Variants in SLC6A5 observed in about 807,000 individuals in gnomAD.
SLC6A5 encodes sodium- and chloride-dependent glycine transporter 2.
Under a neutral mutation model 90.5 loss-of-function variants are expected in SLC6A5, and 58 were observed. The observed-to-expected ratio is 0.64, with a 90% CI of 0.52 to 0.80. The LOEUF is 0.80. Ranked by LOEUF, SLC6A5 falls within the 30% of genes least tolerant of loss-of-function variation. The probability of loss-of-function intolerance (pLI) is 0.00; values close to 1 mark genes in which losing one functional copy is unlikely to be tolerated. For synonymous variants in SLC6A5, 427 were observed against 401.4 expected (o/e 1.06, Z -0.76); for missense variants, 1,015 against 1,017.6 (o/e 1.00, Z 0.03).
chr11:20,608,431 G>A (rs1852624571), intron 5 of SLC6A5, among the ~76,000 whole-genome samples: 1 of 152,160 alleles, frequency 6.6e-6, no homozygotes, highest in Non-Finnish European at 1.5e-5. Context: ...CTGACTGTAT[G>A]TATGTCTGGG....
chr11:20,652,603 A>C (rs1374927421), intron 15 of SLC6A5, 147 bp downstream of exon 15: 12 of 846,374 alleles, frequency 1.4e-5, no homozygotes, highest in Non-Finnish European at 2.2e-5. Context: ...GTTTCTGTTA[A>C]ACCCATTTTT....
chr11:20,601,035 T>G, intron 1 of SLC6A5, 94 bp from the exon 2 acceptor site: 1 of 1,294,850 alleles, frequency 7.7e-7, no homozygotes, highest in Non-Finnish European at 1.0e-6. Context: ...ATATTGTGTC[T>G]GGACCTGAGT....
At chr11:20,629,205 G>A (rs1565281883) in intron 9 of SLC6A5, 1 of 152,176 alleles carries the variant, frequency 6.6e-6, no homozygotes, top group African/African-American at 2.4e-5. Flanking sequence ...AGCAGGCTCT[G>A]CGATGAAGGT....
In SLC6A5 at chr11:20,654,702, C is replaced by T. The variant is rs367737271; in HGVS notation, c.2239-11C>T. Reference sequence around the variant, plus strand: ...CTTCTGTGACCATGTCTGTCTTTGGCTTCTTTGCAGAGGCTGAAGTTGGTG... The same window carrying T: ...CTTCTGTGACCATGTCTGTCTTTGGTTTCTTTGCAGAGGCTGAAGTTGGTG... On this transcript the variant is annotated splice_polypyrimidine_tract_variant and intron_variant, in intron 15 of 15. Transcript: ENST00000525748. 1 of 1,614,138 alleles carries T rather than the reference C, an allele frequency of 6.2e-7. No homozygotes were observed.
At chr11:20,609,824 G>A (rs552462006) in intron 5 of SLC6A5, among the ~76,000 whole-genome samples, 1 of 152,326 alleles carries the variant, frequency 6.6e-6, no homozygotes, top group East Asian at 1.9e-4. Context: ...AGCCCCAGAG[G>A]AAAGCCCTGG....
chr11:20,616,709 A>T (rs974125889), intron 6 of SLC6A5, among the ~76,000 whole-genome samples: 25 of 152,186 alleles, frequency 1.6e-4, no homozygotes, highest in Admixed American at 1.4e-3. Context: ...AGGTTGTGCC[A>T]GGGTTTGGGC....
At chr11:20,605,095 C>T (rs987787620) in intron 3 of SLC6A5, among the ~76,000 whole-genome samples, 2 of 152,250 alleles carry the variant, frequency 1.3e-5, no homozygotes, top group Non-Finnish European at 2.9e-5. Flanking sequence ...CCACTATGCT[C>T]CCTTGTACCT....
In SLC6A5 at chr11:20,601,433, C is replaced by T. The variant is rs773816036; in HGVS notation, c.308C>T (p.Ala103Val). 2 of 1,605,984 alleles carry T rather than the reference C, an allele frequency of 1.2e-6. No homozygotes were observed. Among genetic ancestry groups the T allele is most frequent in the Non-Finnish European group, 1.7e-6 (2 of 1,176,540 alleles). The change falls in exon 2 of 16, where the codon GCG becomes GTG. Residue 103 changes from alanine to valine, a missense_variant. Ala to Val is a moderately conservative substitution (Grantham distance 64, BLOSUM62 0). Around this residue, in one of 3 missense-constraint regions of SLC6A5, gnomAD observed 567 missense variants for 507.3 expected, o/e 1.12. Coordinates refer to ENST00000525748, the MANE Select transcript of SLC6A5 (RefSeq NM_004211.5). The stretch of plus-strand genomic sequence containing the variant: ...CGGGACTTGAGAGAGGCGCAAGGCG[C>T]GCAGGCCTCGCCCCCTCCCGGGAGC... ...ALRDLREAQG[A>V]QASPPPGSSG...
rs1265845116 is a variant in SLC6A5, at chr11:20,617,337, C to T, written c.1128-415C>T. Among the ~76,000 whole-genome samples, 9 of 152,196 alleles carry T rather than the reference C, an allele frequency of 5.9e-5. No individual in the cohort carries two copies. In the East Asian group the frequency reaches 1.5e-3, roughly 26 times the overall value. ...ATGTACTAATTTTTAAAATTAAAAT[C>T]ACACAAATACTACCAGAATAAATTC... On this transcript the variant is annotated intron_variant, in intron 6 of 15. Coordinates refer to ENST00000525748, the MANE Select transcript of SLC6A5 (RefSeq NM_004211.5).
intron 13 of SLC6A5, among the ~76,000 whole-genome samples, chr11:20,639,417 CA>C (rs1159186946): frequency 1.3e-5 from 2 of 152,070 alleles, no homozygotes; most frequent in Admixed American, 6.6e-5. Flanking sequence ...CTTCAGATCC[CA>C]AAAGAGACAG....
intron 6 of SLC6A5, 131 bp from the exon 7 acceptor site, chr11:20,617,621 G>C (rs1852806068): frequency 1.3e-6 from 1 of 779,934 alleles, no homozygotes; most frequent in African/African-American, 1.7e-5. Context: ...GTTCCTGATG[G>C]TGGGGTGGGT....
rs547344008 is a variant in SLC6A5 at position 20,650,728 on chromosome 11, G to T, written c.2071-1561G>T. ...GTCGCCCAGGCTGGAGTGCAGTGGC[G>T]CGATCTCGGCTCACTGCAAGCTCCG... On this transcript the variant is annotated intron_variant, in intron 14 of 15. Coordinates refer to ENST00000525748, the MANE Select transcript of SLC6A5 (RefSeq NM_004211.5). Among the ~76,000 whole-genome samples, 224 of 143,522 alleles carry T rather than the reference G, an allele frequency of 1.6e-3. 4 individuals carry two copies. Among genetic ancestry groups the T allele is most frequent in the African/African-American group, 5.8e-3 (219 of 37,678 alleles). The allele number at this position is 143,522 out of a possible 152,430, so 94.2% of individuals were successfully genotyped here.
chr11:20,610,821 T>C (rs894010826), intron 5 of SLC6A5, among the ~76,000 whole-genome samples: 3 of 152,180 alleles, frequency 2.0e-5, no homozygotes, highest in Non-Finnish European at 4.4e-5. Context: ...ACGTTTTTAG[T>C]TGTTGCAGCT....
At chr11:20,654,651 C>G in intron 15 of SLC6A5, 62 bp from the exon 16 acceptor site, 2 of 1,562,782 alleles carry the variant, frequency 1.3e-6, no homozygotes, top group Non-Finnish European at 1.8e-6. Flanking sequence ...ATGAGTGGGT[C>G]GTCCCCAGGT....
intron 13 of SLC6A5, among the ~76,000 whole-genome samples, chr11:20,642,086 AAT>A (rs1853324795): frequency 6.6e-6 from 1 of 152,058 alleles, no homozygotes; most frequent in Non-Finnish European, 1.5e-5. Context: ...CTGGAGACGT[AAT>A]TTGTGGGATA....
chr11:20,640,074 A>C (rs1211572589), intron 13 of SLC6A5, among the ~76,000 whole-genome samples: 2 of 152,200 alleles, frequency 1.3e-5, no homozygotes, highest in Non-Finnish European at 1.5e-5. Context: ...GTGCCCAGAA[A>C]CCAAAGACCT....
At chr11:20,643,185 C>A (rs1433947237) in intron 13 of SLC6A5, among the ~76,000 whole-genome samples, 1 of 151,826 alleles carries the variant, frequency 6.6e-6, no homozygotes. Flanking sequence ...AACATGGCAA[C>A]AGGATTGATG....
chr11:20,636,232 A>T (rs1853202724), intron 10 of SLC6A5, 75 bp from the exon 11 acceptor site: 1 of 859,672 alleles, frequency 1.2e-6, no homozygotes, highest in Non-Finnish European at 2.0e-6. Flanking sequence ...CTCAGCAGAG[A>T]GAAGGCCCTC....
intron 10 of SLC6A5, among the ~76,000 whole-genome samples, chr11:20,635,686 C>G (rs1418341099): frequency 6.6e-6 from 1 of 152,128 alleles, no homozygotes; most frequent in Non-Finnish European, 1.5e-5. Context: ...GAAATGATGT[C>G]ATTCTGGTCA....
Sources: allele counts gnomAD v4.1 joint callset (sites outside exome capture counted in the v4.1 genomes callset), GRCh38; gene constraint gnomAD v4.1.1; regional missense constraint gnomAD v4.1.1; transcripts MANE v1.5; gene names NCBI Gene and HGNC (gene_info 2026-07-23, HGNC 2026-07-21).